CFAP161: variants seen among roughly 807,000 people sequenced by gnomAD.
CFAP161 encodes the protein cilia- and flagella-associated protein 161.
CFAP161 carries 25 observed loss-of-function variants against 29.0 expected under a neutral mutation model. That is an observed-to-expected ratio of 0.86 (90% confidence interval 0.63 to 1.20). CFAP161 has a LOEUF of 1.20. CFAP161 is among the 50% of genes most tolerant of loss of function. CFAP161 has a pLI of 0.00. For missense variants in CFAP161, 367 were observed against 371.9 expected, an observed-to-expected ratio of 0.99 and a Z score of 0.11; for synonymous variants, 116 against 137.4, an observed-to-expected ratio of 0.84 and a Z score of 1.09.
In CFAP161 at chr15:81,136,590, T is replaced by A. The variant is rs543392858; in HGVS notation, c.234T>A (p.Pro78=). 6.2e-7 allele frequency: 1 copy of A among 1,614,206 alleles called. No homozygotes were observed. Among genetic ancestry groups the A allele is most frequent in the East Asian group, 2.2e-5 (1 of 44,880 alleles). ...TGATGCTTGTGAATCCTGATGATCCTGACACAGAAGCTGATGTGTTTCTGC... is the reference window on the plus strand; with the variant it reads ...TGATGCTTGTGAATCCTGATGATCCAGACACAGAAGCTGATGTGTTTCTGC... ...DKVMLVNPDD[P]DTEADVFLRG... The change falls in exon 3 of 7, where the codon CCT becomes CCA. Residue 78 remains proline (P), a synonymous_variant. Coordinates refer to ENST00000286732, the MANE Select transcript of CFAP161 (RefSeq NM_173528.4).
At chr15:81,138,597 C>A (rs968016060) in intron 4 of CFAP161, among the ~76,000 whole-genome samples, 1 of 152,072 alleles carries the variant, frequency 6.6e-6, no homozygotes, top group Non-Finnish European at 1.5e-5. Flanking sequence ...AATCAGGGAG[C>A]CTTGGGGATT....
At chr15:81,140,022 C>A (rs1007161581) in intron 4 of CFAP161, among the ~76,000 whole-genome samples, 3 of 151,588 alleles carry the variant, frequency 2.0e-5, no homozygotes, top group Non-Finnish European at 4.4e-5. Context: ...GTTCTCTTTC[C>A]CTTATCTCTT....
At chr15:81,111,482 T>C (rs1027693493) in intron 1 of CFAP161, among the ~76,000 whole-genome samples, 2 of 152,236 alleles carry the variant, frequency 1.3e-5, no homozygotes, top group East Asian at 1.9e-4. Flanking sequence ...CCTGACCCCC[T>C]ACCCTGGCCT....
At chr15:81,142,868 C>T (rs970382003) in intron 4 of CFAP161, among the ~76,000 whole-genome samples, 9 of 152,166 alleles carry the variant, frequency 5.9e-5, no homozygotes, top group African/African-American at 2.2e-4. Flanking sequence ...AGCCAGATAG[C>T]CGACATAAAT....
intron 1 of CFAP161, among the ~76,000 whole-genome samples, chr15:81,107,899 C>A (rs1200530587): frequency 1.3e-5 from 2 of 151,834 alleles, no homozygotes; most frequent in African/African-American, 4.9e-5. Flanking sequence ...TGTTTTCTTT[C>A]TCCTTTCCTC....
chr15:81,141,795 A>T (rs141112662), intron 4 of CFAP161, among the ~76,000 whole-genome samples: 131 of 151,098 alleles, frequency 8.7e-4, no homozygotes, highest in African/African-American at 3.0e-3. Flanking sequence ...AGCGATTCTC[A>T]TGCCTCAGCT....
rs952114731 is a variant in CFAP161, at chr15:81,117,938, G to T, written c.-141-9652G>T. 1.6e-4 allele frequency: 71 copies of T among 443,448 alleles called. No homozygotes were observed. The Admixed American group carries it at 2.2e-3, about 14-fold the overall frequency. The allele number at this position is 443,448 out of a possible 1,614,324, so 27.5% of individuals were successfully genotyped here. ...TGGGCATCTGAGTCAGGGGCTTCCT[G>T]GTCCTCTGGGTCATAGGTATCCAAG... On this transcript the variant is annotated intron_variant, in intron 1 of 4. Coordinates refer to the CFAP161 transcript ENST00000560091.
chr15:81,108,198 C>T lies in CFAP161; in HGVS notation c.-141-19392C>T, dbSNP rs942337203. Among the ~76,000 whole-genome samples, 10 of 152,270 alleles carry T rather than the reference C, an allele frequency of 6.6e-5. No individual in the cohort carries two copies. In the South Asian group the frequency reaches 2.1e-3, roughly 32 times the overall value. ...TGTAAGTGAATAATTGCATTGCTTCCAAACCTTTTATAATTGCTGACTTTT... is the reference window on the plus strand; with the variant it reads ...TGTAAGTGAATAATTGCATTGCTTCTAAACCTTTTATAATTGCTGACTTTT... On this transcript the variant is annotated intron_variant, in intron 1 of 4. Coordinates refer to the CFAP161 transcript ENST00000560091.
intron 1 of CFAP161, among the ~76,000 whole-genome samples, chr15:81,122,163 C>T (rs949896188): frequency 9.9e-5 from 15 of 152,136 alleles, no homozygotes; most frequent in African/African-American, 3.6e-4. Context: ...GTGAATAGTG[C>T]TGTAATGAAC....
At chr15:81,128,217 CTG>C (rs1183051159) in intron 2 of CFAP161, among the ~76,000 whole-genome samples, 1 of 152,132 alleles carries the variant, frequency 6.6e-6, no homozygotes, top group Non-Finnish European at 1.5e-5. Flanking sequence ...ATTAGTGACT[CTG>C]TTTTAATTCT....
At chr15:81,114,332 A>C (rs955431361) in intron 1 of CFAP161, among the ~76,000 whole-genome samples, 2 of 152,244 alleles carry the variant, frequency 1.3e-5, no homozygotes, top group Non-Finnish European at 2.9e-5. Flanking sequence ...TCTTAATTTA[A>C]AAATAGTTTA....
chr15:81,141,165 C>T (rs1171100717), intron 4 of CFAP161, among the ~76,000 whole-genome samples: 1 of 152,112 alleles, frequency 6.6e-6, no homozygotes, highest in East Asian at 1.9e-4. Flanking sequence ...CATATTTATT[C>T]TTCTGAGATG....
chr15:81,137,991 C>G, intron 3 of CFAP161, 60 bp from the exon 4 acceptor site: 1 of 1,302,562 alleles, frequency 7.7e-7, no homozygotes, highest in East Asian at 2.4e-5. Flanking sequence ...AAAATAGAGT[C>G]ATAGAATGAT....
rs768432668 is a variant in CFAP161, at chr15:81,147,976, G to A, written c.710+45G>A. 2.7e-6 allele frequency: 4 copies of A among 1,475,724 alleles called. No homozygotes were observed. The South Asian group carries it at 3.6e-5, about 13-fold the overall frequency. The allele number at this position is 1,475,724 out of a possible 1,614,324, so 91.4% of individuals were successfully genotyped here. On this transcript the variant is annotated intron_variant, in intron 6 of 6. Transcript: ENST00000286732. ...AACAAAATGCTGTGATTGGGGCTGG[G>A]GGCCATGAATATAAGCAAAGAAGCT...
intron 1 of CFAP161, among the ~76,000 whole-genome samples, chr15:81,112,884 C>T (rs560462260): frequency 6.6e-6 from 1 of 152,140 alleles, no homozygotes; most frequent in East Asian, 1.9e-4. Flanking sequence ...TGAGTGGTGG[C>T]CTGATTTTAA....
intron 4 of CFAP161, among the ~76,000 whole-genome samples, chr15:81,141,716 A>G (rs1595919405): frequency 6.8e-6 from 1 of 147,690 alleles, no homozygotes; most frequent in Non-Finnish European, 1.5e-5. Context: ...TTGGTGTCTC[A>G]CTCTGTTGCC....
chr15:81,117,804 G>A (rs550823775), intron 1 of CFAP161: 6 of 306,782 alleles, frequency 2.0e-5, no homozygotes, highest in Admixed American at 9.0e-5. Context: ...CTACATCTTC[G>A]TCTTCATCTT....
At chr15:81,133,213 ATATATATATATG>A (rs1450794236), upstream of CFAP161, among the ~76,000 whole-genome samples, 1,437 of 36,074 alleles carry the variant, frequency 0.04, 93 homozygotes, top group Non-Finnish European at 0.065. Context: ...ATATATATAT[ATATATATATATG>A]TATTTTTTTT....
At chr15:81,121,647 A>G (rs1433521601) in intron 1 of CFAP161, among the ~76,000 whole-genome samples, 2 of 152,204 alleles carry the variant, frequency 1.3e-5, no homozygotes, top group African/African-American at 4.8e-5. Flanking sequence ...TCTGTTACAT[A>G]TCAGTATTTT....
Sources: allele counts gnomAD v4.1 joint callset (sites outside exome capture counted in the v4.1 genomes callset), GRCh38; gene constraint gnomAD v4.1.1; transcripts MANE v1.5; gene names NCBI Gene and HGNC (gene_info 2026-07-23, HGNC 2026-07-21).